The following ATP6V0A4 variants were observed in gnomAD, a reference collection of about 807,000 sequenced individuals.
ATP6V0A4 encodes the protein ATPase H+ transporting V0 subunit a4, also known as V-type proton ATPase 116 kDa subunit a 4.
In ATP6V0A4, 86 loss-of-function variants were observed where a neutral mutation model predicts 107.3. The ratio of observed to expected loss-of-function variants is 0.80; its 90% confidence interval spans 0.67 to 0.96. The LOEUF is 0.96. ATP6V0A4 is among the 40% of genes least tolerant of loss of function. The pLI is 0.00. For missense variants in ATP6V0A4, 908 were observed against 1,045.6 expected (o/e 0.87, Z 1.81); for synonymous variants, 353 against 381.4 (o/e 0.93, Z 0.87).
intron 15 of ATP6V0A4, among the ~76,000 whole-genome samples, chr7:138,737,036 T>G (rs555496800): frequency 1.4e-5 from 2 of 147,900 alleles, no homozygotes; most frequent in African/African-American, 5.0e-5. Context: ...ATTTTGTGAT[T>G]TGATTCACAA....
intron 14 of ATP6V0A4, among the ~76,000 whole-genome samples, chr7:138,744,614 C>A (rs76087288): frequency 1.3e-5 from 2 of 152,210 alleles, no homozygotes; most frequent in African/African-American, 4.8e-5. Flanking sequence ...GCTCATGCAG[C>A]TTTGACCTCC....
chr7:138,772,015 G>A (rs984190384), intron 2 of ATP6V0A4, among the ~76,000 whole-genome samples: 6 of 152,224 alleles, frequency 3.9e-5, no homozygotes, highest in Non-Finnish European at 8.8e-5. Flanking sequence ...CTAGAACTCA[G>A]TTGTGGGTAT....
At chr7:138,750,263 CT>C (rs1040611942) in intron 11 of ATP6V0A4, among the ~76,000 whole-genome samples, 2 of 151,292 alleles carry the variant, frequency 1.3e-5, no homozygotes, top group Admixed American at 6.6e-5. Flanking sequence ...TTTTCTTTTT[CT>C]TTTTTTTTCT....
chr7:138,709,464 A>G (rs1308244629), intron 21 of ATP6V0A4, among the ~76,000 whole-genome samples, 160 bp downstream of exon 21: 1 of 151,930 alleles, frequency 6.6e-6, no homozygotes, highest in Non-Finnish European at 1.5e-5. Flanking sequence ...ATATTACATC[A>G]TTTAATATTA....
chr7:138,726,172 G>T (rs1472510913), intron 18 of ATP6V0A4, among the ~76,000 whole-genome samples: 4 of 151,966 alleles, frequency 2.6e-5, no homozygotes, highest in African/African-American at 7.3e-5. Context: ...TGTATTTTTA[G>T]TAGAGACGGG....
At chr7:138,760,587 A>G (rs1308264691) in intron 7 of ATP6V0A4, among the ~76,000 whole-genome samples, 1 of 152,112 alleles carries the variant, frequency 6.6e-6, no homozygotes, top group Non-Finnish European at 1.5e-5. Flanking sequence ...ATGTCTATAT[A>G]TATCTGTTTT....
intron 8 of ATP6V0A4, among the ~76,000 whole-genome samples, chr7:138,759,277 T>C (rs1420892537): frequency 1.3e-5 from 2 of 150,398 alleles, no homozygotes; most frequent in South Asian, 4.2e-4. Context: ...CTGGTCTCAA[T>C]CCCCTGACCT....
chr7:138,771,357 A>G, intron 2 of ATP6V0A4, 93 bp from the exon 3 acceptor site: 4 of 1,405,196 alleles, frequency 2.8e-6, no homozygotes. Context: ...AAAATCTAAC[A>G]GGGAAAAAAA....
intron 15 of ATP6V0A4, among the ~76,000 whole-genome samples, chr7:138,738,398 G>A (rs1322955088): frequency 1.3e-5 from 2 of 152,110 alleles, no homozygotes; most frequent in East Asian, 1.9e-4. Flanking sequence ...GGGGAGAGAC[G>A]AGACCATTGG....
chr7:138,751,198 AAT>A (rs1053700283), intron 11 of ATP6V0A4, among the ~76,000 whole-genome samples: 15 of 152,230 alleles, frequency 9.9e-5, no homozygotes, highest in Admixed American at 9.2e-4. Flanking sequence ...CAAACAAGCT[AAT>A]CACATCCTTC....
At position 138,772,570 on chromosome 7, in the gene ATP6V0A4, T is replaced by A. The variant is rs1269784218; in HGVS notation, c.-17-1306A>T. Among the ~76,000 whole-genome samples, 3 of 152,094 alleles carry A rather than the reference T, an allele frequency of 2.0e-5. No homozygotes were observed. In the East Asian group the frequency reaches 5.8e-4, roughly 29 times the overall value. On this transcript the variant is annotated intron_variant, in intron 2 of 21. Coordinates refer to ENST00000310018, the MANE Select transcript of ATP6V0A4 (RefSeq NM_020632.3). The stretch of plus-strand genomic sequence containing the variant: ...CTGCTGATTAAAGAAAGACTAAGAC[T>A]CACACTCCTGAAAGGGGAATCTCAA...
intron 2 of ATP6V0A4, among the ~76,000 whole-genome samples, chr7:138,779,840 T>C (rs539944389): frequency 6.6e-6 from 1 of 152,352 alleles, no homozygotes; most frequent in East Asian, 1.9e-4. Flanking sequence ...AGATATTTGC[T>C]TAATATGAGT....
chr7:138,711,272 G>A (rs909116139), intron 20 of ATP6V0A4, among the ~76,000 whole-genome samples: 9 of 152,152 alleles, frequency 5.9e-5, no homozygotes, highest in South Asian at 2.1e-4. Flanking sequence ...GAAAAAACCC[G>A]GACTCGTAGC....
At chr7:138,771,588 T>C (rs1807394445) in intron 2 of ATP6V0A4, among the ~76,000 whole-genome samples, 1 of 151,964 alleles carries the variant, frequency 6.6e-6, no homozygotes, top group South Asian at 2.1e-4. Context: ...AAAAACAAGA[T>C]AGCACTTTAT....
chr7:138,755,289 A>T (rs1806450650), intron 10 of ATP6V0A4, among the ~76,000 whole-genome samples: 1 of 152,198 alleles, frequency 6.6e-6, no homozygotes, highest in South Asian at 2.1e-4. Context: ...TACAGAATTA[A>T]CCCATCAGCT....
At chr7:138,758,420 T>C (rs1367736246) in intron 8 of ATP6V0A4, among the ~76,000 whole-genome samples, 1 of 152,204 alleles carries the variant, frequency 6.6e-6, no homozygotes, top group Non-Finnish European at 1.5e-5. Flanking sequence ...ATTTTAAAGT[T>C]GTTTTTCATC....
In ATP6V0A4 at chr7:138,777,627, A is replaced by ATAC. The variant is rs1403926650; in HGVS notation, c.-17-6364_-17-6363insGTA. ...GGAAACTCCGTCTCAAAAAAAAAAA[A>ATAC]AAAAATACACACACACACACACACA... On this transcript the variant is annotated intron_variant, in intron 2 of 21. Transcript: ENST00000310018. 6.5e-3 allele frequency among the ~76,000 whole-genome samples: 906 copies of ATAC among 140,074 alleles called. 13 individuals carry two copies. Among genetic ancestry groups the ATAC allele is most frequent in the African/African-American group, 0.027 (866 of 31,898 alleles). 91.9% of individuals were successfully genotyped at this position (140,074 alleles called of 152,430 possible). A position where few individuals can be genotyped will look rare whatever the true frequency, so the allele number is the denominator to read the frequency against.
intron 1 of ATP6V0A4, among the ~76,000 whole-genome samples, chr7:138,791,104 T>C (rs1348948057): frequency 6.6e-6 from 1 of 151,952 alleles, no homozygotes; most frequent in African/African-American, 2.4e-5. Context: ...ATCCCCTCTG[T>C]TTATGAAGAT....
intron 20 of ATP6V0A4, among the ~76,000 whole-genome samples, chr7:138,715,414 G>C (rs1172471316): frequency 6.6e-6 from 1 of 152,160 alleles, no homozygotes; most frequent in Non-Finnish European, 1.5e-5. Flanking sequence ...TGGCCAGGCT[G>C]ATCTTGAACT....
Sources: gnomAD v4.1 joint callset for allele counts (sites outside exome capture counted in the v4.1 genomes callset) on GRCh38, gnomAD v4.1.1 for gene constraint, MANE v1.5 for transcripts, NCBI Gene and HGNC (gene_info 2026-07-23, HGNC 2026-07-21) for gene names.